The following BMPER variants were observed in gnomAD, a reference collection of about 807,000 sequenced individuals.
BMPER encodes BMP-binding endothelial regulator protein.
In BMPER, 45 loss-of-function variants were observed where a neutral mutation model predicts 87.3. The ratio of observed to expected loss-of-function variants is 0.52; its 90% CI spans 0.41 to 0.66. The LOEUF is 0.66. Among genes scored for constraint, BMPER ranks in the 30% least tolerant of loss-of-function variants. The probability of loss-of-function intolerance (pLI) is 0.00; values close to 1 mark genes in which losing one functional copy is unlikely to be tolerated. For synonymous variants in BMPER, 326 were observed against 316.2 expected (o/e 1.03, Z -0.33); for missense variants, 784 against 867.5 (o/e 0.90, Z 1.21).
rs1360167648 is a variant in BMPER, at chr7:34,111,723, T to C, written c.1745+25631T>C. On this transcript the variant is annotated intron_variant, in intron 13 of 14. Coordinates refer to ENST00000649409, the MANE Select transcript of BMPER (RefSeq NM_001365308.1). ...GAATCTAAAAGAAAACATCTTTTTT[T>C]TTATTTTGAGATGGAGTTTCACTCT... Among the ~76,000 whole-genome samples, 5 of 152,254 alleles carry C rather than the reference T, an allele frequency of 3.3e-5. No homozygotes were observed. The East Asian group carries it at 9.6e-4, about 29-fold the overall frequency.
intron 13 of BMPER, among the ~76,000 whole-genome samples, chr7:34,121,060 CTTAT>C (rs1790253383): frequency 6.6e-6 from 1 of 150,620 alleles, no homozygotes; most frequent in Admixed American, 6.6e-5. Flanking sequence ...TTTATATTTA[CTTAT>C]TTAATGTATA....
intron 14 of BMPER, 83 bp downstream of exon 14, chr7:34,143,443 CATG>C: frequency 1.3e-6 from 2 of 1,576,712 alleles, no homozygotes; most frequent in Non-Finnish European, 1.7e-6. Flanking sequence ...TGGATGCTGA[CATG>C]AGTGGCCACA....
intron 11 of BMPER, among the ~76,000 whole-genome samples, chr7:34,074,124 A>G (rs1240529699): frequency 6.6e-6 from 1 of 152,406 alleles, no homozygotes; most frequent in East Asian, 1.9e-4. Context: ...AAGCAAATTC[A>G]TAACATTTAA....
chr7:34,052,775 T>C (rs2127960806), intron 8 of BMPER, among the ~76,000 whole-genome samples: 1 of 152,292 alleles, frequency 6.6e-6, no homozygotes, highest in South Asian at 2.1e-4. Flanking sequence ...TAGAGCTCAG[T>C]AGTTCTTGAT....
intron 14 of BMPER, among the ~76,000 whole-genome samples, chr7:34,145,165 T>C (rs367986554): frequency 6.6e-6 from 1 of 152,222 alleles, no homozygotes; most frequent in African/African-American, 2.4e-5. Context: ...GCAGCCAGTG[T>C]TGAAACCCCT....
rs537015124 is a variant in BMPER, at chr7:33,992,022, G to A, written c.576+17238G>A. Among the ~76,000 whole-genome samples, 328 of 151,206 alleles carry A rather than the reference G, an allele frequency of 2.2e-3. 2 individuals carry two copies. Among genetic ancestry groups the A allele is most frequent in the African/African-American group, 7.8e-3 (320 of 41,074 alleles). On this transcript the variant is annotated intron_variant, in intron 6 of 14. Coordinates refer to ENST00000649409, the MANE Select transcript of BMPER (RefSeq NM_001365308.1). ...TCTGTTCTTTTACATTTGCTGAGGA[G>A]AGCTTTACTTCCCAGTATGTGGTCA...
upstream of BMPER, chr7:33,905,449 T>TCCCCCCCACCCCCCCCCCCC: frequency 7.5e-5 from 2 of 26,580 alleles, no homozygotes; most frequent in South Asian, 2.7e-4. Context: ...CCCCCCGCCC[T>TCCCCCCCACCCCCCCCCCCC]CCCTCACACC....
At chr7:34,113,620 TTAATAA>T (rs1610974) in intron 13 of BMPER, among the ~76,000 whole-genome samples, 88,689 of 150,956 alleles carry the variant, frequency 0.59, 26,493 homozygotes, top group East Asian at 0.83. Context: ...AACTTTGGGC[TTAATAA>T]TAATAAGTTT....
chr7:34,066,376 C>A (rs1179175913), intron 11 of BMPER, among the ~76,000 whole-genome samples: 1 of 152,204 alleles, frequency 6.6e-6, no homozygotes, highest in Non-Finnish European at 1.5e-5. Context: ...AAAAGCATTG[C>A]TGTCTTTTCA....
intron 6 of BMPER, among the ~76,000 whole-genome samples, chr7:33,998,809 G>C (rs13224910): frequency 2.0e-5 from 3 of 152,214 alleles, no homozygotes; most frequent in African/African-American, 7.2e-5. Flanking sequence ...TGGCGCAGTG[G>C]CCGACCTGCT....
upstream of BMPER, chr7:33,905,207 G>T (rs113268691): frequency 6.5e-3 from 1,946 of 298,966 alleles, 38 homozygotes; most frequent in African/African-American, 0.042. Flanking sequence ...AAACAGTAGC[G>T]GCAGCCCGGG....
At chr7:33,941,039 A>C in intron 3 of BMPER, among the ~76,000 whole-genome samples, 1 of 134,488 alleles carries the variant, frequency 7.4e-6, no homozygotes, top group East Asian at 2.0e-4. Context: ...TTATATATTT[A>C]TATATAATTT....
intron 6 of BMPER, among the ~76,000 whole-genome samples, chr7:33,978,226 G>A (rs529943639): frequency 6.6e-6 from 1 of 152,312 alleles, no homozygotes; most frequent in Admixed American, 6.5e-5. Flanking sequence ...CTCCTTCGGA[G>A]GTTGCAGCAA....
At chr7:33,973,493 T>G (rs1416843407) in intron 5 of BMPER, among the ~76,000 whole-genome samples, 2 of 152,226 alleles carry the variant, frequency 1.3e-5, no homozygotes, top group African/African-American at 4.8e-5. Context: ...CAGTAGCACT[T>G]GTCTGCATGT....
At chr7:33,966,928 T>C (rs1785421296) in intron 4 of BMPER, among the ~76,000 whole-genome samples, 1 of 152,242 alleles carries the variant, frequency 6.6e-6, no homozygotes, top group Admixed American at 6.5e-5. Flanking sequence ...AAAGGATGTA[T>C]GTTTCACTTC....
chr7:34,154,427 C>T lies in BMPER; in HGVS notation c.*1154C>T, dbSNP rs1405376149. The T allele has an allele frequency of 6.6e-6, 1 of 152,162 alleles. No individual in the cohort carries two copies. The highest frequency in any genetic ancestry group is 1.9e-4 in the East Asian group (1 of 5,186). 9.4% of individuals were successfully genotyped at this position (152,162 alleles called of 1,614,324 possible). A position where few individuals can be genotyped will look rare whatever the true frequency, so the allele number is the denominator to read the frequency against. On this transcript the variant is annotated 3_prime_UTR_variant, in exon 15 of 15. Coordinates refer to ENST00000649409, the MANE Select transcript of BMPER (RefSeq NM_001365308.1). ...GAATTGGTGAAAACATCAACAAAAA[C>T]AAAACCCACTGTGTCTTAAAATAAA...
intron 10 of BMPER, among the ~76,000 whole-genome samples, chr7:34,059,816 TTC>T (rs1788387615): frequency 1.3e-5 from 2 of 151,862 alleles, no homozygotes; most frequent in Admixed American, 6.6e-5. Context: ...CTACTGCATA[TTC>T]TCTTTTTCCA....
intron 6 of BMPER, among the ~76,000 whole-genome samples, chr7:33,994,165 G>C (rs1228076593): frequency 6.6e-6 from 1 of 152,202 alleles, no homozygotes; most frequent in African/African-American, 2.4e-5. Flanking sequence ...GAGCTTCCAG[G>C]CTGCTTTGTT....
chr7:34,119,295 G>A (rs141741639), intron 13 of BMPER, among the ~76,000 whole-genome samples: 3 of 152,224 alleles, frequency 2.0e-5, no homozygotes, highest in African/African-American at 7.2e-5. Flanking sequence ...GGAACCAGAT[G>A]GGCTGAACAT....
Sources: gnomAD v4.1 joint callset for allele counts (sites outside exome capture counted in the v4.1 genomes callset) on GRCh38, gnomAD v4.1.1 for gene constraint, MANE v1.5 for transcripts, NCBI Gene and HGNC (gene_info 2026-07-23, HGNC 2026-07-21) for gene names.